Variants in PRIM2 observed in about 807,000 individuals in gnomAD.
PRIM2 encodes the protein DNA primase subunit 2.
PRIM2 carries 39 observed loss-of-function variants against 67.3 expected under a neutral mutation model. The observed-to-expected ratio is 0.58, with a 90% confidence interval of 0.45 to 0.76. The LOEUF (loss-of-function observed/expected upper bound fraction) is 0.76. Ranked by LOEUF, PRIM2 falls within the 30% of genes least tolerant of loss-of-function variation. The pLI is 0.00. For missense variants in PRIM2, 398 were observed against 598.7 expected (o/e 0.66, Z 3.50); for synonymous variants, 143 against 198.7 (o/e 0.72, Z 2.36).
At chr6:57,370,187 A>G (rs1276240132) in intron 5 of PRIM2, among the ~76,000 whole-genome samples, 4 of 152,184 alleles carry the variant, frequency 2.6e-5, no homozygotes, top group Admixed American at 6.5e-5. Context: ...ATTCTTTGTT[A>G]GTAGAAGTAG....
intron 5 of PRIM2, among the ~76,000 whole-genome samples, chr6:57,331,272 G>C (rs1171182038): frequency 6.6e-6 from 1 of 151,754 alleles, no homozygotes; most frequent in East Asian, 1.9e-4. Flanking sequence ...AATCCCCCTT[G>C]GTCATGTTAT....
chr6:57,271,760 C>T, the PRIM2 span, among the ~76,000 whole-genome samples: 4 of 152,150 alleles, frequency 2.6e-5, no homozygotes, highest in Non-Finnish European at 4.4e-5. Context: ...CTCTTGTGGG[C>T]ATTTAGTGCT....
chr6:57,470,298 C>A (rs1293220262), intron 7 of PRIM2, among the ~76,000 whole-genome samples: 2 of 150,862 alleles, frequency 1.3e-5, no homozygotes, highest in African/African-American at 4.9e-5. Flanking sequence ...CTTCTTTTCT[C>A]CTTGGTGCTG....
chr6:57,286,746 A>C, the PRIM2 span, among the ~76,000 whole-genome samples: 1 of 152,244 alleles, frequency 6.6e-6, no homozygotes, highest in African/African-American at 2.4e-5. Context: ...ACAAAAGCCG[A>C]AATTGAAAAA....
intron 7 of PRIM2, among the ~76,000 whole-genome samples, chr6:57,432,224 G>T (rs1216800465): frequency 1.3e-5 from 2 of 152,122 alleles, no homozygotes; most frequent in African/African-American, 4.8e-5. Flanking sequence ...CCATTTTTGG[G>T]GGGGGTTGGG....
intron 7 of PRIM2, among the ~76,000 whole-genome samples, chr6:57,444,481 C>T (rs1281481326): frequency 2.6e-5 from 4 of 151,632 alleles, no homozygotes; most frequent in East Asian, 3.9e-4. Flanking sequence ...GCAGAAGAAT[C>T]GCTTGAACCT....
At chr6:57,586,771 TGGA>T (rs1192304344) in intron 10 of PRIM2, among the ~76,000 whole-genome samples, 8 of 152,160 alleles carry the variant, frequency 5.3e-5, no homozygotes, top group Admixed American at 2.0e-4. Context: ...AAAGGCTCTG[TGGA>T]TGAATAGTCT....
intron 12 of PRIM2, among the ~76,000 whole-genome samples, chr6:57,630,451 T>A (rs1777021731): frequency 6.6e-6 from 1 of 152,106 alleles, no homozygotes; most frequent in South Asian, 2.1e-4. Context: ...TTTCTCACAT[T>A]CTGTGGCTTT....
At chr6:57,223,153 A>G in the PRIM2 span, among the ~76,000 whole-genome samples, 1 of 152,264 alleles carries the variant, frequency 6.6e-6, no homozygotes, top group Admixed American at 6.5e-5. Flanking sequence ...CAATAACGTG[A>G]ATCAACTGGG....
chr6:57,492,253 T>G (rs1773912430), intron 7 of PRIM2, among the ~76,000 whole-genome samples: 1 of 152,128 alleles, frequency 6.6e-6, no homozygotes, highest in Non-Finnish European at 1.5e-5. Flanking sequence ...GTGAACCACA[T>G]ATGTAATTTA....
intron 12 of PRIM2, among the ~76,000 whole-genome samples, chr6:57,629,470 G>A (rs1726373074): frequency 6.6e-6 from 1 of 152,202 alleles, no homozygotes; most frequent in African/African-American, 2.4e-5. Context: ...AAGGGGTTGA[G>A]TGGTATCTCA....
intron 5 of PRIM2, among the ~76,000 whole-genome samples, chr6:57,367,624 C>T (rs1158413290): frequency 6.6e-6 from 1 of 152,218 alleles, no homozygotes; most frequent in African/African-American, 2.4e-5. Context: ...TTCTGTTCCA[C>T]ATAGTATTAT....
At position 57,381,244 on chromosome 6, in the gene PRIM2, G is replaced by A. The variant is rs56042416; in HGVS notation, c.556-787G>A. ...TGATCTGTTTATAGTGTGAGATGTC[G>A]TTGGATATACAGAAAATTGTATGCA... On this transcript the variant is annotated intron_variant, in intron 6 of 13. Coordinates refer to ENST00000615550, the MANE Select transcript of PRIM2 (RefSeq NM_000947.5). 4.0e-3 allele frequency among the ~76,000 whole-genome samples: 610 copies of A among 151,830 alleles called. 2 individuals are homozygous for A. The highest frequency in any genetic ancestry group is 5.0e-3 in the Non-Finnish European group (339 of 67,856).
intron 7 of PRIM2, among the ~76,000 whole-genome samples, chr6:57,418,711 T>G (rs1771364604): frequency 6.6e-6 from 1 of 152,022 alleles, no homozygotes; most frequent in Non-Finnish European, 1.5e-5. Context: ...GTTTCCTATA[T>G]TTTTATATTC....
At chr6:57,369,205 C>T (rs1769465733) in intron 5 of PRIM2, among the ~76,000 whole-genome samples, 1 of 152,190 alleles carries the variant, frequency 6.6e-6, no homozygotes, top group Admixed American at 6.5e-5. Flanking sequence ...GTATTTGCCT[C>T]TCTAGAGCTG....
chr6:57,465,743 A>G (rs1213062582), intron 7 of PRIM2, among the ~76,000 whole-genome samples: 3 of 151,494 alleles, frequency 2.0e-5, no homozygotes, highest in Non-Finnish European at 1.5e-5. Flanking sequence ...TTAAAGTAAA[A>G]CTCTTAGGAC....
At chr6:57,243,643 T>TA in the PRIM2 span, among the ~76,000 whole-genome samples, 1 of 152,082 alleles carries the variant, frequency 6.6e-6, no homozygotes, top group African/African-American at 2.4e-5. Flanking sequence ...CTCTTTTTTT[T>TA]ATTTTTATTT....
At chr6:57,327,127 C>T (rs9475841) in intron 5 of PRIM2, among the ~76,000 whole-genome samples, 17,908 of 151,854 alleles carry the variant, frequency 0.12, 1,127 homozygotes, top group African/African-American at 0.15. Flanking sequence ...TCTTGAACCC[C>T]CTGACCTCAG....
chr6:57,307,259 GT>G, the PRIM2 span, among the ~76,000 whole-genome samples: 123,082 of 148,130 alleles, frequency 0.83, 51,196 homozygotes, highest in East Asian at 0.99. Context: ...TTCAAGGATG[GT>G]TTTTTTTTTT....
Sources: allele counts gnomAD v4.1 joint callset (sites outside exome capture counted in the v4.1 genomes callset), GRCh38; gene constraint gnomAD v4.1.1; transcripts MANE v1.5; gene names NCBI Gene and HGNC (gene_info 2026-07-23, HGNC 2026-07-21).